The following CDH19 variants were observed in gnomAD, a reference collection of about 807,000 sequenced individuals.
CDH19 encodes the protein cadherin 19, also known as cadherin-19.
In CDH19, 67 loss-of-function variants were observed where a neutral mutation model predicts 64.2. The observed-to-expected ratio is 1.04, with a 90% CI of 0.86 to 1.28. CDH19 has a LOEUF of 1.28. CDH19 is among the 50% of genes most tolerant of loss of function. CDH19 has a pLI of 0.00. For missense variants in CDH19, 1,030 were observed against 929.0 expected, an observed-to-expected ratio of 1.11 and a Z score of -1.41; for synonymous variants, 346 against 319.3, an observed-to-expected ratio of 1.08 and a Z score of -0.89.
At chr18:66,559,064 A>C (rs976054649) in intron 3 of CDH19, among the ~76,000 whole-genome samples, 1 of 152,046 alleles carries the variant, frequency 6.6e-6, no homozygotes, top group African/African-American at 2.4e-5. Context: ...ATTTCCTAAA[A>C]ACAACCCACT....
intron 5 of CDH19, among the ~76,000 whole-genome samples, chr18:66,547,086 A>C (rs1020444242): frequency 1.3e-5 from 2 of 152,132 alleles, no homozygotes; most frequent in African/African-American, 2.4e-5. Context: ...AAACTAAAGG[A>C]GAACAATGGT....
At chr18:66,602,654 T>C (rs1414757371) in intron 1 of CDH19, among the ~76,000 whole-genome samples, 1 of 151,882 alleles carries the variant, frequency 6.6e-6, no homozygotes, top group East Asian at 1.9e-4. Flanking sequence ...AATCAGATAT[T>C]TATATAATGA....
chr18:66,568,570 G>A lies in CDH19; in HGVS notation c.336C>T (p.Leu112=). ...IQKLDREERS[L]YILRAQVIDI... ...CTATTACCTGGGCTCTTAAGATGTAGAGGGATCGCTCCTCTCTATCAAGCT... is the reference window on the plus strand; with the variant it reads ...CTATTACCTGGGCTCTTAAGATGTAAAGGGATCGCTCCTCTCTATCAAGCT... Residue 112 remains leucine (L), a synonymous_variant, in exon 3 of 12, where the codon CTC becomes CTT. Coordinates refer to ENST00000262150, the MANE Select transcript of CDH19 (RefSeq NM_021153.4). 1.2e-6 allele frequency: 2 copies of A among 1,612,326 alleles called. No individual in the cohort carries two copies. Among genetic ancestry groups the A allele is most frequent in the Non-Finnish European group, 1.7e-6 (2 of 1,178,942 alleles).
At chr18:66,577,744 A>G (rs1988308004) in intron 1 of CDH19, among the ~76,000 whole-genome samples, 1 of 151,924 alleles carries the variant, frequency 6.6e-6, no homozygotes, top group African/African-American at 2.4e-5. Flanking sequence ...TTAAAATGAT[A>G]CACATTTATT....
chr18:66,544,910 A>G lies in CDH19; in HGVS notation c.776-7T>C. The G allele has an allele frequency of 6.4e-7, 1 of 1,557,744 alleles. No homozygotes were observed. Among genetic ancestry groups the G allele is most frequent in the Non-Finnish European group, 8.7e-7 (1 of 1,155,434 alleles). On this transcript the variant is annotated splice_polypyrimidine_tract_variant and splice_region_variant and intron_variant, in intron 5 of 11. Transcript: ENST00000262150. ...ACAGTCAAGCGGTATAAACCTTTAA[A>G]AACAAAATTGGAGGTATTTTGGATA...
intron 7 of CDH19, among the ~76,000 whole-genome samples, chr18:66,536,853 T>A (rs923384529): frequency 2.0e-5 from 3 of 151,666 alleles, no homozygotes; most frequent in South Asian, 2.1e-4. Context: ...ATATATATAT[T>A]TTTCCCATTT....
chr18:66,552,457 G>A (rs1248018161), intron 4 of CDH19, among the ~76,000 whole-genome samples: 3 of 149,572 alleles, frequency 2.0e-5, no homozygotes, highest in East Asian at 1.9e-4. Context: ...TTTTAGTTGC[G>A]GACTAAAGTG....
At chr18:66,596,944 T>G (rs1310263435) in intron 1 of CDH19, among the ~76,000 whole-genome samples, 3 of 146,370 alleles carry the variant, frequency 2.0e-5, no homozygotes, top group Admixed American at 6.8e-5. Flanking sequence ...TAGCCGGGCG[T>G]AGTGGCGGGC....
rs983694539 is a variant in CDH19 at position 66,603,998 on chromosome 18, A to T, written c.-157T>A. ...AGAAGTTCTGTGAAAACTGAACAGC[A>T]AACTTCGTGTTGGACACATAAGGAA... On this transcript the variant is annotated 5_prime_UTR_variant, in exon 1 of 12. An upstream open reading frame in the 5' UTR gains an earlier in-frame stop. Transcript: ENST00000262150. 2.6e-5 allele frequency: 4 copies of T among 152,150 alleles called. No homozygotes were observed. The highest frequency in any genetic ancestry group is 5.9e-5 in the Non-Finnish European group (4 of 68,022). The allele number at this position is 152,150 out of a possible 1,614,324, so 9.4% of individuals were successfully genotyped here. A position where few individuals can be genotyped will look rare whatever the true frequency, so the allele number is the denominator to read the frequency against.
chr18:66,547,772 A>T (rs1987179923), intron 5 of CDH19, among the ~76,000 whole-genome samples: 1 of 130,268 alleles, frequency 7.7e-6, no homozygotes, highest in East Asian at 2.3e-4. Flanking sequence ...GGTTCACGCC[A>T]TTCTCCTGCC....
rs761342561 is a variant in CDH19 at position 66,544,071 on chromosome 18, G to A, written c.1114C>T (p.Leu372Phe). 13 of 1,613,866 alleles carry A rather than the reference G, an allele frequency of 8.1e-6. No individual in the cohort carries two copies. In the Admixed American group the frequency reaches 1.5e-4, roughly 19 times the overall value. The change falls in exon 7 of 12, where the codon CTT becomes TTT. Residue 372 changes from leucine (L) to phenylalanine (F), a missense_variant. Transcript: ENST00000262150. ...AAAACTTCAAATACATAATATGGAA[G>A]GAGGAAAAGAGGAGGCTCATCAACA... ...EDVDEPPLFL[L>F]PYYVFEVFEE...
At chr18:66,519,437 T>A (rs899947331) in intron 9 of CDH19, among the ~76,000 whole-genome samples, 2 of 152,172 alleles carry the variant, frequency 1.3e-5, no homozygotes, top group African/African-American at 4.8e-5. Context: ...TCAGCATGGT[T>A]AGGATATTAT....
intron 5 of CDH19, among the ~76,000 whole-genome samples, chr18:66,549,589 A>T (rs546418546): frequency 6.6e-6 from 1 of 152,170 alleles, no homozygotes; most frequent in Non-Finnish European, 1.5e-5. Flanking sequence ...CCTATAGTCC[A>T]TCCACAGAGG....
chr18:66,564,724 T>C (rs1334943567), intron 3 of CDH19, among the ~76,000 whole-genome samples: 1 of 151,936 alleles, frequency 6.6e-6, no homozygotes, highest in Non-Finnish European at 1.5e-5. Flanking sequence ...ATTATGGTTG[T>C]TTTCCACGTA....
chr18:66,545,475 AT>A (rs1191401610), intron 5 of CDH19, among the ~76,000 whole-genome samples: 2 of 148,806 alleles, frequency 1.3e-5, no homozygotes, highest in Admixed American at 6.8e-5. Flanking sequence ...TTTTTGAAAT[AT>A]AAATATTTTC....
At chr18:66,556,665 T>C (rs1364711564) in intron 3 of CDH19, among the ~76,000 whole-genome samples, 1 of 151,868 alleles carries the variant, frequency 6.6e-6, no homozygotes. Flanking sequence ...TCTTTATTCC[T>C]CTATCTGATA....
At chr18:66,527,503 CT>C in intron 9 of CDH19, among the ~76,000 whole-genome samples, 1 of 152,204 alleles carries the variant, frequency 6.6e-6, no homozygotes, top group Middle Eastern at 3.4e-3. Flanking sequence ...AATCTTAGCA[CT>C]TTGAGAGTCC....
chr18:66,534,966 G>T lies in CDH19; in HGVS notation c.1336+20C>A. 1 of 1,424,106 alleles carries T rather than the reference G, an allele frequency of 7.0e-7. No homozygotes were observed. Among genetic ancestry groups the T allele is most frequent in the South Asian group, 1.7e-5 (1 of 59,668 alleles). 88.2% of individuals were successfully genotyped at this position (1,424,106 alleles called of 1,614,324 possible). ...CAAAATATGGCAAACAACTGTATTG[G>T]ATTTCAAATGAGTACTTACATTTTT... On this transcript the variant is annotated intron_variant, in intron 8 of 11. Coordinates refer to ENST00000262150, the MANE Select transcript of CDH19 (RefSeq NM_021153.4).
intron 2 of CDH19, among the ~76,000 whole-genome samples, chr18:66,569,230 T>TA (rs1404292784): frequency 4.6e-5 from 7 of 151,690 alleles, no homozygotes; most frequent in African/African-American, 7.2e-5. Flanking sequence ...TTACATGTCA[T>TA]AAAATCTATA....
Sources: allele counts gnomAD v4.1 joint callset (sites outside exome capture counted in the v4.1 genomes callset), GRCh38; gene constraint gnomAD v4.1.1; transcripts MANE v1.5; gene names NCBI Gene and HGNC (gene_info 2026-07-23, HGNC 2026-07-21).